CYREN: variants seen among roughly 807,000 people sequenced by gnomAD.
The protein encoded by CYREN is cell cycle regulator of non-homologous end joining.
Under a neutral mutation model 9.7 loss-of-function variants are expected in CYREN, and 7 were observed. The ratio of observed to expected loss-of-function variants is 0.72; its 90% CI spans 0.41 to 1.36. CYREN has a LOEUF of 1.36. Among genes scored for constraint, CYREN ranks in the 40% most tolerant of loss-of-function variants. The pLI is 0.01. For synonymous variants in CYREN, 76 were observed against 77.9 expected (o/e 0.98, Z 0.13); for missense variants, 215 against 198.1 (o/e 1.09, Z -0.51).
chr7:135,129,247 G>A, intron 2 of CYREN: 3 of 1,515,658 alleles, frequency 2.0e-6, no homozygotes, highest in Middle Eastern at 3.4e-4. Context: ...TACATCATGG[G>A]TATCTGCTCC....
chr7:135,142,800 TG>T (rs1829477787), intron 2 of CYREN, among the ~76,000 whole-genome samples: 2 of 150,790 alleles, frequency 1.3e-5, no homozygotes, highest in South Asian at 4.1e-4. Flanking sequence ...AAAACTCTGA[TG>T]AAAAAAAAAC....
At chr7:135,146,647 G>A (rs1264788612) in intron 2 of CYREN, among the ~76,000 whole-genome samples, 1 of 152,180 alleles carries the variant, frequency 6.6e-6, no homozygotes, top group Non-Finnish European at 1.5e-5. Flanking sequence ...CATACTTCTG[G>A]AACATGCAGT....
rs1829654297 is a variant in CYREN at position 135,151,001 on chromosome 7, T to C, written n.356+17748A>G. ...ATAGTCAACAAAACAATTGCACAAA[T>C]AGCAAGTTAATATTAATGGAACCAT... On this transcript the variant is annotated intron_variant and non_coding_transcript_variant, in intron 2 of 2. Transcript: ENST00000459937. This position sits in a 1 kb window ranked among gnomAD's most constrained non-coding sequence, Gnocchi z 4.3. Among the ~76,000 whole-genome samples the C allele has an allele frequency of 6.6e-6, 1 of 152,246 alleles. No individual in the cohort carries two copies. The highest frequency in any genetic ancestry group is 1.5e-5 in the Non-Finnish European group (1 of 68,048).
At chr7:135,110,146 C>T (rs1176825082) in intron 2 of CYREN, among the ~76,000 whole-genome samples, 2 of 152,088 alleles carry the variant, frequency 1.3e-5, no homozygotes, top group Non-Finnish European at 2.9e-5. Flanking sequence ...CTACTAGTGG[C>T]TGGCTGGAGT....
intron 2 of CYREN, among the ~76,000 whole-genome samples, chr7:135,157,847 A>C (rs1829833237): frequency 6.6e-6 from 1 of 152,132 alleles, no homozygotes. Context: ...ACATTGCCTG[A>C]TTGTTAATTC....
Position 135,120,824 on chromosome 7 carries a change from A to C in CYREN, n.357-26242T>G, listed in dbSNP as rs143252747. On this transcript the variant is annotated intron_variant and non_coding_transcript_variant, in intron 2 of 2. Coordinates refer to the CYREN transcript ENST00000459937. ...TATTAGGTAAAGTAGATTTTAGAGG[A>C]AAGAAAATTATCAAAGAGGGGCATT... Among the ~76,000 whole-genome samples, 230 of 152,346 alleles carry C rather than the reference A, an allele frequency of 1.5e-3. 1 individual carries two copies. Among genetic ancestry groups the C allele is most frequent in the Middle Eastern group, 3.4e-3 (1 of 294 alleles).
downstream of CYREN, among the ~76,000 whole-genome samples, chr7:135,161,033 G>A (rs1829922860): frequency 6.6e-6 from 1 of 152,184 alleles, no homozygotes; most frequent in Non-Finnish European, 1.5e-5. The surrounding 1 kb of genome is among the most constrained non-coding windows in gnomAD (Gnocchi z 4.1). Flanking sequence ...AGGGGAAGCT[G>A]GGCCTCACCA....
intron 2 of CYREN, chr7:135,128,331 A>G (rs1224755073): frequency 1.3e-5 from 4 of 300,092 alleles, no homozygotes; most frequent in African/African-American, 8.9e-5. Context: ...GAAAAAAAAA[A>G]ACAAAACAAC....
chr7:135,098,301 A>C (rs1228546056), intron 2 of CYREN, among the ~76,000 whole-genome samples: 1 of 152,204 alleles, frequency 6.6e-6, no homozygotes, highest in African/African-American at 2.4e-5. Flanking sequence ...AAAATGGCAT[A>C]GTGTTTGCAT....
chr7:135,107,986 T>C (rs974600706), intron 2 of CYREN, among the ~76,000 whole-genome samples: 1 of 152,106 alleles, frequency 6.6e-6, no homozygotes, highest in African/African-American at 2.4e-5. Flanking sequence ...CTTTTTTTTT[T>C]ATCTTTGTTG....
At chr7:135,136,017 C>T (rs2117382156) in intron 2 of CYREN, among the ~76,000 whole-genome samples, 1 of 152,220 alleles carries the variant, frequency 6.6e-6, no homozygotes. Context: ...AAGTCCAGCA[C>T]CTCAGTTTGT....
At chr7:135,123,473 G>A (rs1827428292) in intron 2 of CYREN, among the ~76,000 whole-genome samples, 1 of 152,164 alleles carries the variant, frequency 6.6e-6, no homozygotes, top group African/African-American at 2.4e-5. Flanking sequence ...CACGCTTTAT[G>A]ATATTATCCA....
chr7:135,168,681 G>T, intron 2 of CYREN, 105 bp downstream of exon 2: 3 of 1,465,784 alleles, frequency 2.0e-6, no homozygotes, highest in Non-Finnish European at 2.7e-6. Context: ...TGAAACACCC[G>T]CCCATCTTGC....
At chr7:135,099,604 C>A (rs1298798605) in intron 2 of CYREN, among the ~76,000 whole-genome samples, 1 of 152,114 alleles carries the variant, frequency 6.6e-6, no homozygotes, top group Admixed American at 6.5e-5. Flanking sequence ...TTTCTTCTAC[C>A]TGACTACCTT....
intron 2 of CYREN, among the ~76,000 whole-genome samples, chr7:135,144,013 C>T (rs1251413825): frequency 1.3e-5 from 2 of 152,112 alleles, no homozygotes; most frequent in African/African-American, 2.4e-5. Context: ...GGTATCTCCC[C>T]TAGGAGGAGA....
At chr7:135,150,179 T>G (rs1479270817) in intron 2 of CYREN, among the ~76,000 whole-genome samples, 1 of 152,178 alleles carries the variant, frequency 6.6e-6, no homozygotes, top group African/African-American at 2.4e-5. Context: ...AAAATAGTTT[T>G]GTTTCTCTTT....
At chr7:135,144,563 A>G (rs1055328012) in intron 2 of CYREN, among the ~76,000 whole-genome samples, 1 of 152,068 alleles carries the variant, frequency 6.6e-6, no homozygotes, top group African/African-American at 2.4e-5. Flanking sequence ...CCAGTGAAAG[A>G]GACAGTAAGA....
intron 2 of CYREN, among the ~76,000 whole-genome samples, chr7:135,133,643 T>C (rs1829094268): frequency 6.6e-6 from 1 of 152,106 alleles, no homozygotes; most frequent in African/African-American, 2.4e-5. Context: ...CTGATTTTGA[T>C]AGGGAATTCA....
intron 3 of CYREN, chr7:135,167,452 C>T: frequency 7.7e-7 from 1 of 1,292,642 alleles, no homozygotes. Flanking sequence ...GTCCCATCCA[C>T]ATACACACCA....
Sources: allele counts gnomAD v4.1 joint callset (sites outside exome capture counted in the v4.1 genomes callset), GRCh38; gene constraint gnomAD v4.1.1; non-coding constraint Gnocchi (gnomAD v3.1); transcripts MANE v1.5; gene names NCBI Gene and HGNC (gene_info 2026-07-23, HGNC 2026-07-21).